Variants in CHRNB3 observed in about 807,000 individuals in gnomAD.
CHRNB3 encodes the protein neuronal acetylcholine receptor subunit beta-3.
CHRNB3 carries 37 observed loss-of-function variants against 40.6 expected under a neutral mutation model. That is an observed-to-expected ratio of 0.91 (90% CI 0.70 to 1.20). The LOEUF is 1.20. Among genes scored for constraint, CHRNB3 ranks in the 50% most tolerant of loss-of-function variants. CHRNB3 has a pLI of 0.00. For synonymous variants in CHRNB3, 207 were observed against 207.1 expected (o/e 1.00, Z 0.00); for missense variants, 505 against 551.2 (o/e 0.92, Z 0.84).
rs1363880679 is a variant in CHRNB3, at chr8:42,697,598, G to A, written c.52G>A (p.Ala18Thr). The A allele has an allele frequency of 4.3e-6, 7 of 1,612,022 alleles. No individual in the cohort carries two copies. In the Admixed American group the frequency reaches 8.3e-5, roughly 19 times the overall value. ...CATCGTCCTTGGCATCCCTTCCTCA[G>A]GTAAGCACAAGTCACAGTAAATTAA... ...VLIVLGIPSSATTGFNSIAEN... is the reference protein window; with the variant it reads ...VLIVLGIPSSTTTGFNSIAEN... The change falls in exon 1 of 6, where the codon GCC (alanine) becomes ACC (threonine). Residue 18 changes from alanine to threonine, a missense_variant and splice_region_variant. Transcript: ENST00000289957.
intron 3 of CHRNB3, among the ~76,000 whole-genome samples, chr8:42,723,611 G>T (rs1197635161): frequency 1.3e-5 from 2 of 152,112 alleles, no homozygotes; most frequent in Admixed American, 6.5e-5. Context: ...TCTCCTGGGG[G>T]CCCCCTTCAC....
chr8:42,730,386 A>G (rs549338666), intron 3 of CHRNB3, among the ~76,000 whole-genome samples: 5 of 152,288 alleles, frequency 3.3e-5, no homozygotes, highest in Admixed American at 2.6e-4. Flanking sequence ...GTAACATGCA[A>G]AGTGTGTGGG....
intron 3 of CHRNB3, 47 bp downstream of exon 3, chr8:42,710,481 T>C: frequency 6.8e-7 from 1 of 1,464,980 alleles, no homozygotes; most frequent in Non-Finnish European, 9.4e-7. Flanking sequence ...GTCACTTATT[T>C]TCTATTTATA....
At chr8:42,718,672 CAAAAAAAAAA>C (rs59911208) in intron 3 of CHRNB3, among the ~76,000 whole-genome samples, 11 of 82,744 alleles carry the variant, frequency 1.3e-4, no homozygotes, top group Admixed American at 2.8e-4. Context: ...GACTCTGTCT[CAAAAAAAAAA>C]AAAAAAAAAA....
At chr8:42,715,129 C>T (rs1421146360) in intron 3 of CHRNB3, 1 of 152,092 alleles carries the variant, frequency 6.6e-6, no homozygotes, top group Admixed American at 6.5e-5. Flanking sequence ...ACACCACCGC[C>T]TGAAAGAAGA....
At chr8:42,711,790 A>G (rs1586396813) in intron 3 of CHRNB3, among the ~76,000 whole-genome samples, 1 of 152,116 alleles carries the variant, frequency 6.6e-6, no homozygotes, top group Admixed American at 6.6e-5. Flanking sequence ...CCCATCACCC[A>G]AATAGTGAAC....
chr8:42,731,980 T>C lies in CHRNB3; in HGVS notation c.673T>C (p.Tyr225His). 6.2e-7 allele frequency: 1 copy of C among 1,614,100 alleles called. No individual in the cohort carries two copies. Among genetic ancestry groups the C allele is most frequent in the Non-Finnish European group, 8.5e-7 (1 of 1,180,010 alleles). The change falls in exon 5 of 6, where the codon TAT (tyrosine) becomes CAT (histidine). Residue 225 changes from tyrosine (Y) to histidine (H), a missense_variant. Coordinates refer to ENST00000289957, the MANE Select transcript of CHRNB3 (RefSeq NM_000749.5). The stretch of plus-strand genomic sequence containing the variant: ...CGTGTACTCCTATCCCTTTATCACG[T>C]ATTCCTTCGTCCTGAGACGCCTGCC... Reference protein sequence around the residue: ...DGVYSYPFITYSFVLRRLPLF... With the variant: ...DGVYSYPFITHSFVLRRLPLF...
intron 3 of CHRNB3, among the ~76,000 whole-genome samples, chr8:42,724,998 G>T (rs1466919902): frequency 6.6e-6 from 1 of 151,048 alleles, no homozygotes; most frequent in Non-Finnish European, 1.5e-5. Flanking sequence ...AACAAAAAAA[G>T]AAAACACTGG....
In CHRNB3 at chr8:42,729,415, C is replaced by CATAA. The variant is rs1009780434; in HGVS notation, c.250-1163_250-1160dup. On this transcript the variant is annotated intron_variant, in intron 3 of 5. Transcript: ENST00000289957. ...ACAGAGCGAGACTCTGTCTCAAAAA[C>CATAA]ATAAATAAATAAATAAATATCATGC... Among the ~76,000 whole-genome samples the CATAA allele has an allele frequency of 5.3e-5, 8 of 152,036 alleles. No individual in the cohort carries two copies. The South Asian group carries it at 1.0e-3, about 20-fold the overall frequency.
At chr8:42,705,784 C>T (rs1656074501) in intron 1 of CHRNB3, 2 of 152,296 alleles carry the variant, frequency 1.3e-5, no homozygotes, top group Admixed American at 1.3e-4. Flanking sequence ...CTCACTGCTT[C>T]CCTCTTCTCT....
At chr8:42,705,348 TG>T (rs1474040926) in intron 1 of CHRNB3, among the ~76,000 whole-genome samples, 2 of 152,210 alleles carry the variant, frequency 1.3e-5, no homozygotes, top group Non-Finnish European at 2.9e-5. Flanking sequence ...GTGGTTTGAA[TG>T]GGTTCCCCAA....
At chr8:42,697,674 A>G in intron 1 of CHRNB3, 76 bp downstream of exon 1, 1 of 1,090,204 alleles carries the variant, frequency 9.2e-7, no homozygotes, top group Non-Finnish European at 1.4e-6. Flanking sequence ...TATGGTGTTG[A>G]TAATGTTAGA....
At chr8:42,726,282 C>T in intron 3 of CHRNB3, 1 of 610,554 alleles carries the variant, frequency 1.6e-6, no homozygotes, top group Non-Finnish European at 2.9e-6. Context: ...GAAAAGCAGT[C>T]AAAGTTATTC....
intron 3 of CHRNB3, among the ~76,000 whole-genome samples, chr8:42,719,228 C>A (rs930626374): frequency 1.3e-5 from 2 of 152,180 alleles, no homozygotes; most frequent in African/African-American, 4.8e-5. Context: ...TGGGCTCTGG[C>A]TGCTCAGCTG....
At chr8:42,715,953 G>C (rs1816092352) in intron 3 of CHRNB3, among the ~76,000 whole-genome samples, 1 of 150,216 alleles carries the variant, frequency 6.7e-6, no homozygotes, top group Non-Finnish European at 1.5e-5. Flanking sequence ...AAGCACCTTA[G>C]AGACAATGAA....
At chr8:42,699,882 C>CT (rs576300946) in intron 1 of CHRNB3, among the ~76,000 whole-genome samples, 7,543 of 117,536 alleles carry the variant, frequency 0.064, 429 homozygotes, top group African/African-American at 0.14. Context: ...TTGTGGTATG[C>CT]TTTTTTTTTT....
rs1039128545 is a variant in CHRNB3 at position 42,736,537 on chromosome 8, G to T, written c.1296G>T (p.Trp432Cys). ...VAQVLDRIFL[W>C]LFLIVSVTGS... ...AAGTTCTTGACCGAATCTTCCTGTG[G>T]CTCTTTCTGATAGTGTCAGTAACAG... The change falls in exon 6 of 6, where the codon TGG (tryptophan) becomes TGT (cysteine). Residue 432 changes from tryptophan (W) to cysteine (C), a missense_variant. By Grantham distance (215) the Trp-to-Cys change is radical. Transcript: ENST00000289957. 6.2e-7 allele frequency: 1 copy of T among 1,614,138 alleles called. No homozygotes were observed.
chr8:42,713,861 GGT>G (rs1816058397), intron 3 of CHRNB3, among the ~76,000 whole-genome samples: 1 of 152,062 alleles, frequency 6.6e-6, no homozygotes, highest in Non-Finnish European at 1.5e-5. Flanking sequence ...CAGGAATCTG[GGT>G]TTCCTAACCC....
chr8:42,720,109 T>G (rs1029406513), intron 3 of CHRNB3, among the ~76,000 whole-genome samples: 7 of 104,566 alleles, frequency 6.7e-5, no homozygotes, highest in Non-Finnish European at 1.3e-4. Flanking sequence ...CTCAGAAGCC[T>G]TCTTTTTTTT....
Sources: gnomAD v4.1 joint callset for allele counts (sites outside exome capture counted in the v4.1 genomes callset) on GRCh38, gnomAD v4.1.1 for gene constraint, MANE v1.5 for transcripts, NCBI Gene and HGNC (gene_info 2026-07-23, HGNC 2026-07-21) for gene names.